Variants in ZNF469 observed in about 807,000 individuals in gnomAD.
The protein encoded by ZNF469 is zinc finger protein 469.
A neutral mutation model predicts 1.0 loss-of-function variants in ZNF469; 1 was observed. That is an observed-to-expected ratio of 1.00 (90% CI 0.35 to 4.73). The LOEUF (loss-of-function observed/expected upper bound fraction) is 4.73. ZNF469 is among the 30% of genes most tolerant of loss of function. The pLI is 0.16. For synonymous variants in ZNF469, 2,703 were observed against 2,363.4 expected, an observed-to-expected ratio of 1.14 and a Z score of -4.17; for missense variants, 6,100 against 5,356.3, an observed-to-expected ratio of 1.14 and a Z score of -4.33.
chr16:88,185,611 TACAGAC>T, the ZNF469 span, among the ~76,000 whole-genome samples: 105 of 147,118 alleles, frequency 7.1e-4, no homozygotes, highest in African/African-American at 2.6e-3. Context: ...TGCCCAGACC[TACAGAC>T]ACACTCACAT....
rs187351470 is a variant in ZNF469 at position 88,423,416 on chromosome 16, G to A, written c.-191-1391G>A. 1.1e-3 allele frequency among the ~76,000 whole-genome samples: 175 copies of A among 152,248 alleles called. 1 individual carries two copies. Among genetic ancestry groups the A allele is most frequent in the African/African-American group, 4.0e-3 (168 of 41,520 alleles). ...CCTGGGCCTCAGTCTATACATCTCT[G>A]GGTAAGGACATGCTTCCTCCTGTGA... On this transcript the variant is annotated intron_variant, in intron 1 of 2. Transcript: ENST00000565624.
intron 1 of ZNF469, among the ~76,000 whole-genome samples, chr16:88,393,050 GT>G (rs1294072661): frequency 1.3e-5 from 2 of 152,274 alleles, no homozygotes; most frequent in Non-Finnish European, 2.9e-5. Context: ...GTGTGGGTGG[GT>G]TGGTCTCTGC....
chr16:88,239,748 G>C, the ZNF469 span, among the ~76,000 whole-genome samples: 1 of 106,034 alleles, frequency 9.4e-6, no homozygotes, highest in African/African-American at 3.7e-5. Flanking sequence ...TTTTAGTAGA[G>C]ACAGGGTTTC....
chr16:88,297,214 G>A, the ZNF469 span, among the ~76,000 whole-genome samples: 1 of 152,168 alleles, frequency 6.6e-6, no homozygotes, highest in Non-Finnish European at 1.5e-5. Context: ...AGATTGGGAC[G>A]GGGCAGGCGT....
the ZNF469 span, among the ~76,000 whole-genome samples, chr16:88,246,897 GA>G: frequency 6.6e-6 from 1 of 152,256 alleles, no homozygotes; most frequent in East Asian, 1.9e-4. Flanking sequence ...GTGAGTGAAT[GA>G]GTGAATGAGT....
At chr16:88,359,514 A>G in the ZNF469 span, among the ~76,000 whole-genome samples, 3 of 152,188 alleles carry the variant, frequency 2.0e-5, no homozygotes, top group Non-Finnish European at 4.4e-5. Flanking sequence ...TTTACATTTC[A>G]CTGCTGCCTA....
chr16:88,102,834 G>T, the ZNF469 span, among the ~76,000 whole-genome samples: 1 of 152,206 alleles, frequency 6.6e-6, no homozygotes, highest in Admixed American at 6.5e-5. Context: ...GCCTCCATCC[G>T]CCGGGACCTG....
chr16:88,376,590 C>T, the ZNF469 span, among the ~76,000 whole-genome samples: 1 of 152,248 alleles, frequency 6.6e-6, no homozygotes, highest in Non-Finnish European at 1.5e-5. Context: ...TCCACCGCCT[C>T]TGTTTTCTTT....
the ZNF469 span, among the ~76,000 whole-genome samples, chr16:88,377,856 C>G: frequency 1.6e-4 from 25 of 151,680 alleles, no homozygotes; most frequent in African/African-American, 6.1e-4. Flanking sequence ...CTTTCGTATT[C>G]TAGAGCTTGT....
intron 1 of ZNF469, among the ~76,000 whole-genome samples, chr16:88,391,386 C>G (rs1904487447): frequency 6.6e-6 from 1 of 152,278 alleles, no homozygotes; most frequent in African/African-American, 2.4e-5. Flanking sequence ...CTGCGTTCCC[C>G]AGGTCCCAGC....
At position 88,431,120 on chromosome 16, in the gene ZNF469, C is replaced by G. The variant is rs115183769; in HGVS notation, c.3650C>G (p.Pro1217Arg). 2.6e-6 allele frequency: 4 copies of G among 1,550,268 alleles called. No homozygotes were observed. The highest frequency in any genetic ancestry group is 3.5e-6 in the Non-Finnish European group (4 of 1,146,952). Residue 1217 changes from proline (P) to arginine (R), a missense_variant, in exon 3 of 3, where the codon CCG becomes CGG. Physicochemically the swap from Pro to Arg is moderately radical, Grantham distance 103. Transcript: ENST00000565624. ...TNTETSEETR[P>R]SLDFPQEAKE... ...ACCGAGACCTCAGAGGAAACCCGCC[C>G]GTCGCTGGACTTTCCCCAGGAGGCC... is the stretch of plus-strand genomic sequence containing the variant.
At chr16:88,132,400 A>C in the ZNF469 span, among the ~76,000 whole-genome samples, 1 of 152,210 alleles carries the variant, frequency 6.6e-6, no homozygotes, top group Non-Finnish European at 1.5e-5. Context: ...CTGGGTGCTC[A>C]GCCCACCCAG....
At chr16:88,147,393 G>C in the ZNF469 span, among the ~76,000 whole-genome samples, 2 of 152,072 alleles carry the variant, frequency 1.3e-5, no homozygotes, top group Non-Finnish European at 2.9e-5. Flanking sequence ...CAGAGACTGT[G>C]GCCATCGTTC....
At chr16:88,144,814 A>G in the ZNF469 span, among the ~76,000 whole-genome samples, 1 of 151,018 alleles carries the variant, frequency 6.6e-6, no homozygotes, top group African/African-American at 2.4e-5. Flanking sequence ...AGAGTCTCTT[A>G]TCTTGGGAAG....
the ZNF469 span, among the ~76,000 whole-genome samples, chr16:88,363,970 G>A: frequency 2.0e-5 from 3 of 152,186 alleles, no homozygotes; most frequent in African/African-American, 4.8e-5. Flanking sequence ...CTGGTGAACC[G>A]ATGATTTTAA....
the ZNF469 span, among the ~76,000 whole-genome samples, chr16:88,360,563 AGCGCCC>A: frequency 3.5e-4 from 39 of 111,606 alleles, no homozygotes; most frequent in Admixed American, 6.7e-4. Flanking sequence ...ACCCCCAGAC[AGCGCCC>A]GCATGCTCCC....
At chr16:88,342,431 C>T in the ZNF469 span, among the ~76,000 whole-genome samples, 2 of 152,202 alleles carry the variant, frequency 1.3e-5, no homozygotes, top group African/African-American at 4.8e-5. Context: ...GCCTCAGAAT[C>T]CTCCTCAGCT....
At chr16:88,310,563 ATT>A in the ZNF469 span, among the ~76,000 whole-genome samples, 43 of 143,514 alleles carry the variant, frequency 3.0e-4, no homozygotes, top group African/African-American at 5.9e-4. Context: ...CCTTCATTTT[ATT>A]TTTTTTTTTT....
chr16:88,282,273 G>A, the ZNF469 span, among the ~76,000 whole-genome samples: 12 of 152,292 alleles, frequency 7.9e-5, no homozygotes, highest in East Asian at 1.4e-3. Flanking sequence ...GATGGTGGTC[G>A]GAAGGCACCT....
Sources: gnomAD v4.1 joint callset for allele counts (sites outside exome capture counted in the v4.1 genomes callset) on GRCh38, gnomAD v4.1.1 for gene constraint, MANE v1.5 for transcripts, NCBI Gene and HGNC (gene_info 2026-07-23, HGNC 2026-07-21) for gene names.